The following TP73 variants were observed in gnomAD, a reference collection of about 807,000 sequenced individuals.
TP73 encodes the protein p53-like transcription factor.
A neutral mutation model predicts 62.5 loss-of-function variants in TP73; 25 were observed. The ratio of observed to expected loss-of-function variants is 0.40; its 90% CI spans 0.29 to 0.56. TP73 has a LOEUF of 0.56. Ranked by LOEUF, TP73 falls within the 20% of genes least tolerant of loss-of-function variation. TP73 has a pLI of 0.46. For synonymous variants in TP73, 423 were observed against 377.5 expected (o/e 1.12, Z -1.40); for missense variants, 754 against 913.3 (o/e 0.83, Z 2.25).
intron 3 of TP73, among the ~76,000 whole-genome samples, chr1:3,698,489 A>G (rs12033595): frequency 0.17 from 26,441 of 152,176 alleles, 2,410 homozygotes; most frequent in Admixed American, 0.2. Context: ...CCCTCGCCAC[A>G]ACCTGGAAGG....
intron 6 of TP73, among the ~76,000 whole-genome samples, chr1:3,723,758 C>T (rs1641290839): frequency 6.6e-6 from 1 of 152,250 alleles, no homozygotes; most frequent in Non-Finnish European, 1.5e-5. Context: ...TTCAGCCTTG[C>T]CCTCTGTTGG....
At chr1:3,706,417 C>T (rs1322769502) in intron 3 of TP73, among the ~76,000 whole-genome samples, 2 of 139,938 alleles carry the variant, frequency 1.4e-5, no homozygotes, top group Admixed American at 1.4e-4. Flanking sequence ...CGCCGCAGGC[C>T]CGGGGAGGGG....
chr1:3,730,007 C>T lies in TP73; in HGVS notation c.1204C>T (p.Leu402=). The change falls in exon 11 of 14, where the codon CTA becomes TTA. Residue 402 remains leucine (L), a synonymous_variant. Transcript: ENST00000378295. ...GCCGTTGCTTCTGAGCAGGAGTCACCTACAGCCCCCGTCCTACGGGCCGGT... is the reference window on the plus strand; with the variant it reads ...GCCGTTGCTTCTGAGCAGGAGTCACTTACAGCCCCCGTCCTACGGGCCGGT... ...QQQLLQRPSH[L]QPPSYGPVLS... The T allele has an allele frequency of 6.3e-7, 1 of 1,592,584 alleles. No individual in the cohort carries two copies. The highest frequency in any genetic ancestry group is 8.6e-7 in the Non-Finnish European group (1 of 1,164,870).
At chr1:3,728,028 T>A in intron 8 of TP73, 101 bp from the exon 9 acceptor site, 1 of 1,317,988 alleles carries the variant, frequency 7.6e-7, no homozygotes, top group Non-Finnish European at 1.0e-6. Flanking sequence ...ACCTGGAGAA[T>A]CGATTGGCCC....
At chr1:3,718,272 G>C (rs1205272437) in intron 4 of TP73, among the ~76,000 whole-genome samples, 3 of 152,226 alleles carry the variant, frequency 2.0e-5, no homozygotes, top group Non-Finnish European at 4.4e-5. Context: ...AGGACCTCTT[G>C]CAGACGGGAG....
intron 3 of TP73, among the ~76,000 whole-genome samples, chr1:3,692,396 A>G (rs1645868585): frequency 6.6e-6 from 1 of 152,198 alleles, no homozygotes; most frequent in Non-Finnish European, 1.5e-5. Flanking sequence ...CGCCTGCGTG[A>G]TCTTTTTATC....
rs1211386273 is a variant in TP73, at chr1:3,666,543, G to A, written c.-34+13902G>A. Among the ~76,000 whole-genome samples, 1 of 152,144 alleles carries A rather than the reference G, an allele frequency of 6.6e-6. No homozygotes were observed. The highest frequency in any genetic ancestry group is 1.5e-5 in the Non-Finnish European group (1 of 68,018). ...GCTGTGGGGAGAAAGGAAGGGGTCT[G>A]ACAGTGAAGGTGGGTGCGTGGGCGG... On this transcript the variant is annotated intron_variant, in intron 1 of 13. Transcript: ENST00000378295. This position sits in a 1 kb window ranked among gnomAD's most constrained non-coding sequence, Gnocchi z 6.4.
intron 3 of TP73, among the ~76,000 whole-genome samples, chr1:3,700,234 G>A (rs3765738): frequency 0.33 from 50,399 of 150,694 alleles, 8,766 homozygotes; most frequent in Non-Finnish European, 0.38. Context: ...AGCCAAAACC[G>A]TGGCCTTTGG....
chr1:3,657,223 G>A (rs1049985350), intron 1 of TP73, among the ~76,000 whole-genome samples: 13 of 152,198 alleles, frequency 8.5e-5, no homozygotes, highest in African/African-American at 2.4e-4. Flanking sequence ...GGGCAGGGTC[G>A]GGTTCCCTCG....
chr1:3,674,869 G>T (rs956653659), intron 1 of TP73, among the ~76,000 whole-genome samples: 1 of 152,232 alleles, frequency 6.6e-6, no homozygotes, highest in African/African-American at 2.4e-5. Context: ...GGGCCAGCCT[G>T]CCTGGCTTCA....
intron 3 of TP73, among the ~76,000 whole-genome samples, chr1:3,695,438 C>G (rs188526922): frequency 9.2e-5 from 14 of 152,354 alleles, no homozygotes; most frequent in African/African-American, 3.1e-4. Flanking sequence ...GCCGCAGGGC[C>G]TGGGCTGTGC....
At chr1:3,723,898 A>G (rs1173039932) in intron 6 of TP73, among the ~76,000 whole-genome samples, 1 of 152,050 alleles carries the variant, frequency 6.6e-6, no homozygotes, top group Non-Finnish European at 1.5e-5. Context: ...AGGGGTGGCA[A>G]ATTCTACAAA....
Position 3,732,987 on chromosome 1 carries a change from G to A in TP73, c.1819G>A (p.Asp607Asn), listed in dbSNP as rs1642257327. Residue 607 changes from aspartate (D) to asparagine (N), a missense_variant, in exon 14 of 14, where the codon GAC becomes AAC. Transcript: ENST00000378295. ...CCGCGGCGGCCCAGGCGGCGGCCCT[G>A]ACGAGTGGGCGGACTTCGGCTTCGA... ...PNRGGPGGGP[D>N]EWADFGFDLP... 2 of 1,591,356 alleles carry A rather than the reference G, an allele frequency of 1.3e-6. No homozygotes were observed. Among genetic ancestry groups the A allele is most frequent in the Non-Finnish European group, 1.7e-6 (2 of 1,172,380 alleles).
At chr1:3,705,328 C>A (rs567680088) in intron 3 of TP73, among the ~76,000 whole-genome samples, 113 of 152,240 alleles carry the variant, frequency 7.4e-4, no homozygotes, top group Non-Finnish European at 1.5e-3. Context: ...ACCCTGGGCT[C>A]CTGGGAAGGA....
intron 4 of TP73, among the ~76,000 whole-genome samples, chr1:3,718,424 CG>C (rs1288207096): frequency 6.6e-6 from 1 of 152,194 alleles, no homozygotes; most frequent in East Asian, 1.9e-4. Flanking sequence ...GGGAGTGGGG[CG>C]GGCTCAGCAG....
At position 3,696,359 on chromosome 1, in the gene TP73, G is replaced by A. The variant is rs1023414739; in HGVS notation, c.187-11190G>A. Among the ~76,000 whole-genome samples the A allele has an allele frequency of 2.6e-5, 4 of 152,084 alleles. No homozygotes were observed. Among genetic ancestry groups the A allele is most frequent in the Admixed American group, 6.6e-5 (1 of 15,266 alleles). On this transcript the variant is annotated intron_variant, in intron 3 of 13. Coordinates refer to ENST00000378295, the MANE Select transcript of TP73 (RefSeq NM_005427.4). This position sits in a 1 kb window ranked among gnomAD's most constrained non-coding sequence, Gnocchi z 4.1. ...GGATGTGAGGTGGGTAAGGAGTTGG[G>A]GCCACACTGGCAGGAGCGGCCATGT...
chr1:3,731,343 A>G, intron 12 of TP73, 120 bp from the exon 13 acceptor site: 2 of 1,109,070 alleles, frequency 1.8e-6, no homozygotes, highest in Non-Finnish European at 2.6e-6. Flanking sequence ...TGTGGGCTGG[A>G]GCCACCCTTC....
rs769744573 is a variant in TP73, at chr1:3,701,998, G to T, written c.187-5551G>T. On this transcript the variant is annotated intron_variant, in intron 3 of 13. Coordinates refer to ENST00000378295, the MANE Select transcript of TP73 (RefSeq NM_005427.4). This position sits in a 1 kb window ranked among gnomAD's most constrained non-coding sequence, Gnocchi z 4.7. The stretch of plus-strand genomic sequence containing the variant: ...TCTCCTGGATGGGCAGAGAGGCCTG[G>T]TTTCCAGGATGGTGGCGTAGGGGCA... Among the ~76,000 whole-genome samples the T allele has an allele frequency of 2.6e-5, 4 of 152,194 alleles. No individual in the cohort carries two copies. The highest frequency in any genetic ancestry group is 5.9e-5 in the Non-Finnish European group (4 of 68,036).
chr1:3,677,096 G>C (rs1202595306), intron 1 of TP73, among the ~76,000 whole-genome samples: 2 of 152,104 alleles, frequency 1.3e-5, no homozygotes, highest in Non-Finnish European at 2.9e-5. Flanking sequence ...GCTTGGGCAG[G>C]CTGGTTTTCT....
Sources: gnomAD v4.1 joint callset for allele counts (sites outside exome capture counted in the v4.1 genomes callset) on GRCh38, gnomAD v4.1.1 for gene constraint, Gnocchi (gnomAD v3.1) non-coding constraint, MANE v1.5 for transcripts, NCBI Gene and HGNC (gene_info 2026-07-23, HGNC 2026-07-21) for gene names.